SUPT3H: variants seen among roughly 807,000 people sequenced by gnomAD.
SUPT3H encodes transcription initiation protein SPT3 homolog.
In SUPT3H, 44 loss-of-function variants were observed where a neutral mutation model predicts 44.3. That is an observed-to-expected ratio of 0.99 (90% CI 0.78 to 1.28). The LOEUF (loss-of-function observed/expected upper bound fraction) is 1.28. Among genes scored for constraint, SUPT3H ranks in the 50% most tolerant of loss-of-function variants. SUPT3H has a pLI of 0.00. For synonymous variants in SUPT3H, 124 were observed against 125.6 expected, an observed-to-expected ratio of 0.99 and a Z score of 0.09; for missense variants, 380 against 387.1, an observed-to-expected ratio of 0.98 and a Z score of 0.15.
chr6:45,071,275 C>A (rs1794340153), intron 3 of SUPT3H, among the ~76,000 whole-genome samples: 1 of 147,252 alleles, frequency 6.8e-6, no homozygotes. Context: ...TTCCCCAGAC[C>A]CACATCAAGA....
intron 5 of SUPT3H, among the ~76,000 whole-genome samples, chr6:45,014,504 T>A (rs1783952551): frequency 6.6e-6 from 1 of 152,094 alleles, no homozygotes; most frequent in African/African-American, 2.4e-5. Context: ...GGAATTCCGG[T>A]CTGTTTTACT....
At chr6:45,151,068 A>G (rs1021682540) in intron 2 of SUPT3H, among the ~76,000 whole-genome samples, 1 of 152,156 alleles carries the variant, frequency 6.6e-6, no homozygotes, top group African/African-American at 2.4e-5. Context: ...TAACCAGAAA[A>G]CAAAAAAGTT....
intron 2 of SUPT3H, among the ~76,000 whole-genome samples, chr6:45,226,227 A>C (rs767510142): frequency 1.5e-4 from 23 of 152,156 alleles, no homozygotes; most frequent in Non-Finnish European, 3.1e-4. Context: ...ATTTCAGAAA[A>C]GTATTCCTAT....
intron 2 of SUPT3H, among the ~76,000 whole-genome samples, chr6:45,260,555 G>C (rs1237791432): frequency 1.3e-5 from 2 of 152,010 alleles, no homozygotes; most frequent in African/African-American, 4.8e-5. Flanking sequence ...ATTAAAATTA[G>C]TCCATTTTTA....
chr6:45,026,900 A>G (rs1349773676), intron 3 of SUPT3H, among the ~76,000 whole-genome samples: 2 of 151,558 alleles, frequency 1.3e-5, no homozygotes, highest in Non-Finnish European at 2.9e-5. Context: ...TTTGAAATGT[A>G]TCAGAATTTA....
At chr6:45,313,659 A>AAAG (rs1216717069) in intron 2 of SUPT3H, among the ~76,000 whole-genome samples, 1 of 150,852 alleles carries the variant, frequency 6.6e-6, no homozygotes, top group Non-Finnish European at 1.5e-5. Flanking sequence ...AAAATTATAA[A>AAAG]AAAAAAAAAA....
intron 2 of SUPT3H, among the ~76,000 whole-genome samples, chr6:45,250,189 G>A (rs1004467769): frequency 6.6e-6 from 1 of 151,876 alleles, no homozygotes; most frequent in Non-Finnish European, 1.5e-5. Context: ...GAAAGATGGT[G>A]AGCAAAACAA....
chr6:45,025,270 C>T (rs1429726231), intron 3 of SUPT3H, among the ~76,000 whole-genome samples: 1 of 152,122 alleles, frequency 6.6e-6, no homozygotes, highest in Non-Finnish European at 1.5e-5. Context: ...AACAGTGTTT[C>T]TCATCTAACG....
intron 10 of SUPT3H, among the ~76,000 whole-genome samples, chr6:44,833,958 C>T (rs1054029406): frequency 6.6e-6 from 1 of 152,186 alleles, no homozygotes; most frequent in African/African-American, 2.4e-5. Flanking sequence ...TCTAAATCAT[C>T]TTCACTTTGG....
intron 2 of SUPT3H, among the ~76,000 whole-genome samples, chr6:45,108,581 G>T (rs545892886): frequency 6.6e-6 from 1 of 152,016 alleles, no homozygotes; most frequent in South Asian, 2.1e-4. Flanking sequence ...AATGAAAAAA[G>T]AAAACCTACA....
At chr6:45,119,461 C>A (rs1277656113) in intron 2 of SUPT3H, among the ~76,000 whole-genome samples, 1 of 152,102 alleles carries the variant, frequency 6.6e-6, no homozygotes, top group Non-Finnish European at 1.5e-5. Flanking sequence ...CCACAAGGAG[C>A]CTTCCCTATG....
intron 4 of SUPT3H, among the ~76,000 whole-genome samples, chr6:45,015,317 T>C (rs186156754): frequency 6.6e-6 from 1 of 152,260 alleles, no homozygotes; most frequent in East Asian, 1.9e-4. Flanking sequence ...ATGGTAAGTA[T>C]TTGTATATCT....
chr6:45,005,975 T>C (rs1215204987), intron 5 of SUPT3H, among the ~76,000 whole-genome samples: 1 of 152,152 alleles, frequency 6.6e-6, no homozygotes, highest in East Asian at 1.9e-4. Context: ...ATTTACTATT[T>C]AGTGCTTATG....
intron 7 of SUPT3H, among the ~76,000 whole-genome samples, chr6:44,958,872 G>GTTTTT (rs10670652): frequency 2.2e-4 from 22 of 98,242 alleles, no homozygotes; most frequent in South Asian, 3.7e-4. Context: ...CTTATCAATG[G>GTTTTT]TTTTTTTTTT....
intron 10 of SUPT3H, among the ~76,000 whole-genome samples, chr6:44,831,799 G>A (rs908825492): frequency 3.3e-5 from 5 of 152,020 alleles, no homozygotes; most frequent in East Asian, 1.9e-4. Flanking sequence ...CTTTTCAGAC[G>A]GGGCAATATA....
rs1215341138 is a variant in SUPT3H, at chr6:45,014,910, A to G, written c.274-19T>C. On this transcript the variant is annotated intron_variant, in intron 4 of 10. Transcript: ENST00000371459. ...GTTTTTTCTATTAAAAATATAAAATAAGTAAATAAGAAAACCTATACATAT... is the reference window on the plus strand; with the variant it reads ...GTTTTTTCTATTAAAAATATAAAATGAGTAAATAAGAAAACCTATACATAT... 7.1e-7 allele frequency: 1 copy of G among 1,416,466 alleles called. No homozygotes were observed. The highest frequency in any genetic ancestry group is 1.5e-5 in the African/African-American group (1 of 68,294). 87.7% of individuals were successfully genotyped at this position (1,416,466 alleles called of 1,614,324 possible). A position where few individuals can be genotyped will look rare whatever the true frequency, so the allele number is the denominator to read the frequency against.
At chr6:45,281,662 G>T (rs563954407) in intron 2 of SUPT3H, among the ~76,000 whole-genome samples, 2 of 152,130 alleles carry the variant, frequency 1.3e-5, no homozygotes, top group African/African-American at 4.8e-5. Context: ...TCCACCTCTG[G>T]GGGCAGGGCA....
intron 2 of SUPT3H, among the ~76,000 whole-genome samples, chr6:45,127,131 T>G (rs764655365): frequency 6.6e-6 from 1 of 152,118 alleles, no homozygotes; most frequent in South Asian, 2.1e-4. Flanking sequence ...CTGACCAACA[T>G]GGTGAAACCC....
intron 2 of SUPT3H, among the ~76,000 whole-genome samples, chr6:45,295,353 A>C (rs777952725): frequency 2.9e-4 from 44 of 152,146 alleles, no homozygotes; most frequent in Non-Finnish European, 6.0e-4. Flanking sequence ...AGATGGATTA[A>C]GGACTTAAAT....
Sources: allele counts gnomAD v4.1 joint callset (sites outside exome capture counted in the v4.1 genomes callset), GRCh38; gene constraint gnomAD v4.1.1; transcripts MANE v1.5; gene names NCBI Gene and HGNC (gene_info 2026-07-23, HGNC 2026-07-21).